Variants in MROH1 observed in about 807,000 individuals in gnomAD.
The protein encoded by MROH1 is maestro heat like repeat family member 1.
Under a neutral mutation model 116.5 loss-of-function variants are expected in MROH1, and 117 were observed. The ratio of observed to expected loss-of-function variants is 1.00; its 90% confidence interval spans 0.86 to 1.17. MROH1 has a LOEUF of 1.17. Among genes scored for constraint, MROH1 ranks in the 50% most tolerant of loss-of-function variants. The pLI, the probability that MROH1 is intolerant of heterozygous loss-of-function variation, is 0.00. For synonymous variants in MROH1, 921 were observed against 583.9 expected, an observed-to-expected ratio of 1.58 and a Z score of -8.32; for missense variants, 1,873 against 1,338.5, an observed-to-expected ratio of 1.40 and a Z score of -6.23.
intron 4 of MROH1, among the ~76,000 whole-genome samples, chr8:144,172,450 C>T (rs1002030626): frequency 4.7e-5 from 7 of 149,824 alleles, no homozygotes; most frequent in Non-Finnish European, 7.4e-5. Context: ...CTTGCTCTGT[C>T]GCCCAAGCTG....
Position 144,199,166 on chromosome 8 carries a change from C to G in MROH1, c.993C>G (p.Asn331Lys). 1 of 1,613,724 alleles carries G rather than the reference C, an allele frequency of 6.2e-7. No individual in the cohort carries two copies. Among genetic ancestry groups the G allele is most frequent in the Non-Finnish European group, 8.5e-7 (1 of 1,179,804 alleles). ...VESSSPLVMS[N>K]QKEVLRCFTV... The stretch of plus-strand genomic sequence containing the variant: ...CCTCAAGCCCCCTGGTGATGAGTAA[C>G]CAGAAGGAGGTGCTGCGCTGCTTCA... The change falls in exon 11 of 44, where the codon AAC becomes AAG. Residue 331 changes from asparagine (N) to lysine (K), a missense_variant. Transcript: ENST00000326134.
chr8:144,168,226 G>A, intron 3 of MROH1, 69 bp from the exon 4 acceptor site: 2 of 1,475,408 alleles, frequency 1.4e-6, no homozygotes, highest in South Asian at 1.3e-5. Flanking sequence ...CACTGCAGGA[G>A]TGGCAGCCGA....
At chr8:144,188,971 A>G (rs1827893952) in intron 7 of MROH1, among the ~76,000 whole-genome samples, 1 of 152,248 alleles carries the variant, frequency 6.6e-6, no homozygotes, top group South Asian at 2.1e-4. Context: ...GGCCAGAACC[A>G]CACAGCCAGC....
At position 144,192,363 on chromosome 8, in the gene MROH1, A is replaced by G. The variant is rs753614901; in HGVS notation, c.910A>G (p.Thr304Ala). The change falls in exon 10 of 44, where the codon ACC (threonine) becomes GCC (alanine). Residue 304 changes from threonine to alanine, a missense_variant. Transcript: ENST00000326134. The stretch of plus-strand genomic sequence containing the variant: ...GAGTGTGGGCAGCCGCACACTGGAG[A>G]CCCAGCTGGATGCCCTCTTGGCTGC... ...AVSVGSRTLE[T>A]QLDALLAALH... The G allele has an allele frequency of 6.3e-7, 1 of 1,598,860 alleles. No individual in the cohort carries two copies. The highest frequency in any genetic ancestry group is 8.5e-7 in the Non-Finnish European group (1 of 1,175,892).
At chr8:144,207,183 T>G (rs28871726) in intron 12 of MROH1, among the ~76,000 whole-genome samples, 1 of 147,088 alleles carries the variant, frequency 6.8e-6, no homozygotes, top group African/African-American at 2.5e-5. Flanking sequence ...TTTTGGGGGG[T>G]GGGGGGCCAG....
chr8:144,245,145 C>T lies in MROH1; in HGVS notation c.2767-11C>T. 6.4e-6 allele frequency: 5 copies of T among 778,888 alleles called. No individual in the cohort carries two copies. The highest frequency in any genetic ancestry group is 1.2e-5 in the Non-Finnish European group (5 of 417,764). The allele number at this position is 778,888 out of a possible 1,614,324, so 48.2% of individuals were successfully genotyped here. A position where few individuals can be genotyped will look rare whatever the true frequency, so the allele number is the denominator to read the frequency against. On this transcript the variant is annotated splice_polypyrimidine_tract_variant and intron_variant, in intron 28 of 43. Coordinates refer to ENST00000326134, the MANE Select transcript of MROH1 (RefSeq NM_032450.3). ...TCTGAGCAGTACCTGTGTGACGCCCCTCTTCCTCAGCACCTGAGCCCATGG... is the reference window on the plus strand; with the variant it reads ...TCTGAGCAGTACCTGTGTGACGCCCTTCTTCCTCAGCACCTGAGCCCATGG...
Position 144,223,362 on chromosome 8 carries a change from C to G in MROH1, c.1338+132C>G. On this transcript the variant is annotated intron_variant, in intron 14 of 43. Transcript: ENST00000326134. ...TGCAGTCTGCGTGCGGAGGTGCCCT[C>G]TGCTGTCTTTTGTTTAATAGAGACA... The G allele has an allele frequency of 2.5e-6, 3 of 1,213,148 alleles. No homozygotes were observed. The East Asian group carries it at 7.7e-5, about 31-fold the overall frequency. The allele number at this position is 1,213,148 out of a possible 1,614,324, so 75.1% of individuals were successfully genotyped here.
chr8:144,209,027 T>TTTGTGTGTGTG, intron 12 of MROH1, among the ~76,000 whole-genome samples: 1 of 141,744 alleles, frequency 7.1e-6, no homozygotes, highest in African/African-American at 2.7e-5. Context: ...CTCGGCCATT[T>TTTGTGTGTGTG]TGTGTGTGTG....
In MROH1 at chr8:144,260,180, C is replaced by T. The variant is rs1844754598; in HGVS notation, c.4192-6C>T. 2 of 764,670 alleles carry T rather than the reference C, an allele frequency of 2.6e-6. No homozygotes were observed. Among genetic ancestry groups the T allele is most frequent in the East Asian group, 2.4e-5 (1 of 41,230 alleles). The allele number at this position is 764,670 out of a possible 1,614,324, so 47.4% of individuals were successfully genotyped here. A position where few individuals can be genotyped will look rare whatever the true frequency, so the allele number is the denominator to read the frequency against. On this transcript the variant is annotated splice_region_variant and splice_polypyrimidine_tract_variant and intron_variant, in intron 38 of 43. Transcript: ENST00000326134. ...GGGACCCAGGCTGAGTGTAAGGTAT[C>T]CTCAGGTGCGAACCCACGGCCCCCA...
At chr8:144,259,568 T>C (rs1844587336) in intron 37 of MROH1, among the ~76,000 whole-genome samples, 2 of 152,180 alleles carry the variant, frequency 1.3e-5, no homozygotes, top group African/African-American at 4.8e-5. Context: ...GGACCGAGGC[T>C]CCCTGCAGCC....
chr8:144,184,387 T>C (rs1370765498), intron 7 of MROH1, among the ~76,000 whole-genome samples: 1 of 151,960 alleles, frequency 6.6e-6, no homozygotes, highest in Non-Finnish European at 1.5e-5. Flanking sequence ...GGACCAGCAA[T>C]ATCAGTTACA....
chr8:144,217,008 T>A lies in MROH1; in HGVS notation c.1142-3592T>A, dbSNP rs1835415478. 2.6e-5 allele frequency among the ~76,000 whole-genome samples: 4 copies of A among 152,156 alleles called. No homozygotes were observed. In the South Asian group the frequency reaches 8.3e-4, roughly 32 times the overall value. On this transcript the variant is annotated intron_variant, in intron 12 of 43. Coordinates refer to ENST00000326134, the MANE Select transcript of MROH1 (RefSeq NM_032450.3). ...TGGCCTATTGCTAAGTTCTTATGTG[T>A]GAATAAGTGTAAGAAATGATTGCTT... is the stretch of plus-strand genomic sequence containing the variant.
At chr8:144,247,718 C>T in intron 31 of MROH1, 39 bp downstream of exon 31, 2 of 724,310 alleles carry the variant, frequency 2.8e-6, no homozygotes, top group Non-Finnish European at 5.0e-6. Context: ...GGCAGGCTGG[C>T]ACTGTCTGGG....
rs1825482766 is a variant in MROH1 at position 144,180,992 on chromosome 8, C to T, written c.562+469C>T. Among the ~76,000 whole-genome samples, 2 of 152,266 alleles carry T rather than the reference C, an allele frequency of 1.3e-5. No homozygotes were observed. The highest frequency in any genetic ancestry group is 4.8e-5 in the African/African-American group (2 of 41,552). ...CAGGGGACTGCGGGCATGTCATGGGCCTGGACCTTGGTTTCCCCTGCCACT... is the reference window on the plus strand; with the variant it reads ...CAGGGGACTGCGGGCATGTCATGGGTCTGGACCTTGGTTTCCCCTGCCACT... On this transcript the variant is annotated intron_variant, in intron 7 of 43. Transcript: ENST00000326134. The surrounding 1 kb of genome is among the most constrained non-coding windows in gnomAD (Gnocchi z 7.4).
At chr8:144,160,827 TAA>T (rs1320143754) in intron 1 of MROH1, 141 bp from the exon 2 acceptor site, 1 of 152,506 alleles carries the variant, frequency 6.6e-6, no homozygotes, top group East Asian at 1.9e-4. Context: ...TTTATTACCA[TAA>T]AGTTTTTGGA....
At chr8:144,165,472 G>A (rs1023103496) in intron 3 of MROH1, among the ~76,000 whole-genome samples, 7 of 152,174 alleles carry the variant, frequency 4.6e-5, no homozygotes, top group African/African-American at 1.7e-4. Context: ...GTCTCGCTAT[G>A]TTGCTCAGGG....
In MROH1 at chr8:144,241,130, C is replaced by T. The variant is rs1564546097; in HGVS notation, c.2055+19C>T. The stretch of plus-strand genomic sequence containing the variant: ...ACGCGAGGTGGGGCCGCTTTCCCTG[C>T]AGAAGCCCCAGACACCCCAGGGCTG... On this transcript the variant is annotated intron_variant, in intron 21 of 43. Transcript: ENST00000326134. 17 of 737,360 alleles carry T rather than the reference C, an allele frequency of 2.3e-5. No individual in the cohort carries two copies. The highest frequency in any genetic ancestry group is 9.6e-5 in the Admixed American group (5 of 52,160). The allele number at this position is 737,360 out of a possible 1,614,324, so 45.7% of individuals were successfully genotyped here. A position where few individuals can be genotyped will look rare whatever the true frequency, so the allele number is the denominator to read the frequency against.
At chr8:144,150,269 C>T (rs1172443487) in intron 1 of MROH1, among the ~76,000 whole-genome samples, 1 of 152,004 alleles carries the variant, frequency 6.6e-6, no homozygotes, top group Non-Finnish European at 1.5e-5. Context: ...GGAAGCAGCT[C>T]TTTCATTCAC....
At position 144,259,908 on chromosome 8, in the gene MROH1, C is replaced by G; in HGVS notation, c.4045-3C>G. 1 of 734,532 alleles carries G rather than the reference C, an allele frequency of 1.4e-6. No individual in the cohort carries two copies. Among genetic ancestry groups the G allele is most frequent in the Non-Finnish European group, 2.5e-6 (1 of 395,286 alleles). The allele number at this position is 734,532 out of a possible 1,614,324, so 45.5% of individuals were successfully genotyped here. On this transcript the variant is annotated splice_region_variant and splice_polypyrimidine_tract_variant and intron_variant, in intron 37 of 43. Transcript: ENST00000326134. Reference sequence around the variant, plus strand: ...AGGGAAGTCACAGCACCTCTGCCTGCAGCTGCTGAACAGCAACGTGGCCAA... The same window carrying G: ...AGGGAAGTCACAGCACCTCTGCCTGGAGCTGCTGAACAGCAACGTGGCCAA...
Sources: gnomAD v4.1 joint callset for allele counts (sites outside exome capture counted in the v4.1 genomes callset) on GRCh38, gnomAD v4.1.1 for gene constraint, Gnocchi (gnomAD v3.1) non-coding constraint, MANE v1.5 for transcripts, NCBI Gene and HGNC (gene_info 2026-07-23, HGNC 2026-07-21) for gene names.